The following ARHGEF26 variants were observed in gnomAD, a reference collection of about 807,000 sequenced individuals.
ARHGEF26 encodes the protein Rho guanine nucleotide exchange factor 26, also known as Rho guanine nucleotide exchange factor (GEF) 26.
Under a neutral mutation model 89.4 loss-of-function variants are expected in ARHGEF26, and 59 were observed. The observed-to-expected ratio is 0.66, with a 90% CI of 0.54 to 0.82. The LOEUF (loss-of-function observed/expected upper bound fraction) is 0.82, where lower values mean the gene tolerates loss of function less well. Ranked by LOEUF, ARHGEF26 falls within the 40% of genes least tolerant of loss-of-function variation. The probability of loss-of-function intolerance (pLI) is 0.00; values close to 1 mark genes in which losing one functional copy is unlikely to be tolerated. For missense variants in ARHGEF26, 1,234 were observed against 1,085.6 expected (o/e 1.14, Z -1.92); for synonymous variants, 500 against 428.4 (o/e 1.17, Z -2.06).
intron 11 of ARHGEF26, among the ~76,000 whole-genome samples, chr3:154,238,573 A>G (rs1717262266): frequency 6.6e-6 from 1 of 152,226 alleles, no homozygotes; most frequent in Admixed American, 6.5e-5. Context: ...AATTCCTCCT[A>G]GTGTACTGGA....
In ARHGEF26 at chr3:154,191,171, A is replaced by G. The variant is rs1010981779; in HGVS notation, c.1641-118A>G. The G allele has an allele frequency of 1.9e-5, 21 of 1,081,038 alleles. 2 individuals are homozygous for G. The South Asian group carries it at 3.2e-4, about 16-fold the overall frequency. The allele number at this position is 1,081,038 out of a possible 1,614,324, so 67.0% of individuals were successfully genotyped here. On this transcript the variant is annotated intron_variant, in intron 7 of 14. Transcript: ENST00000465093. ...TTATGTGCTTATGATATTTTCATAC[A>G]GTTTAAAATAGTTGATGCTATATGG...
chr3:154,230,928 G>A (rs1716788577), intron 11 of ARHGEF26, among the ~76,000 whole-genome samples: 1 of 152,044 alleles, frequency 6.6e-6, no homozygotes, highest in Non-Finnish European at 1.5e-5. Flanking sequence ...AAGCTGTGCA[G>A]GCTCCCTTGA....
intron 13 of ARHGEF26, among the ~76,000 whole-genome samples, chr3:154,253,706 C>T (rs761184493): frequency 6.6e-6 from 1 of 152,090 alleles, no homozygotes; most frequent in East Asian, 1.9e-4. Context: ...TAGAAACTGG[C>T]GCAGTGAAGG....
At chr3:154,217,820 A>G (rs1559906718) in intron 9 of ARHGEF26, 49 bp from the exon 10 acceptor site, 3 of 1,395,058 alleles carry the variant, frequency 2.2e-6, no homozygotes, top group South Asian at 1.2e-5. Flanking sequence ...TTTGAAAGTG[A>G]GGTTTCTCTC....
At position 154,206,805 on chromosome 3, in the gene ARHGEF26, G is replaced by A. The variant is rs151021164; in HGVS notation, c.1846-11064G>A. Among the ~76,000 whole-genome samples the A allele has an allele frequency of 1.1e-3, 165 of 152,240 alleles. 1 individual carries two copies. In the East Asian group the frequency reaches 0.031, roughly 29 times the overall value. On this transcript the variant is annotated intron_variant, in intron 9 of 14. Coordinates refer to ENST00000465093, the MANE Select transcript of ARHGEF26 (RefSeq NM_015595.4). Reference sequence around the variant, plus strand: ...ACAAACGAAGAGCATAAATAGCCAAGGCAATTCTAAGCAAAAAGAACAAAG... The same window carrying A: ...ACAAACGAAGAGCATAAATAGCCAAAGCAATTCTAAGCAAAAAGAACAAAG...
intron 4 of ARHGEF26, among the ~76,000 whole-genome samples, chr3:154,144,707 A>G (rs1327937413): frequency 1.3e-5 from 2 of 152,194 alleles, no homozygotes; most frequent in African/African-American, 4.8e-5. Flanking sequence ...GGTCTGCTTT[A>G]TCTGAGTTTT....
chr3:154,184,923 A>G (rs764429607), intron 6 of ARHGEF26, among the ~76,000 whole-genome samples: 6 of 152,122 alleles, frequency 3.9e-5, no homozygotes, highest in Non-Finnish European at 8.8e-5. Context: ...TTCCTCCTGG[A>G]GTGGAGTCTG....
At chr3:154,244,653 A>C (rs1411018678) in intron 12 of ARHGEF26, among the ~76,000 whole-genome samples, 1 of 151,950 alleles carries the variant, frequency 6.6e-6, no homozygotes, top group Non-Finnish European at 1.5e-5. Context: ...AATTATATAT[A>C]ATTATAATAT....
intron 4 of ARHGEF26, among the ~76,000 whole-genome samples, chr3:154,130,195 G>A: frequency 8.2e-6 from 1 of 122,016 alleles, no homozygotes; most frequent in East Asian, 2.5e-4. Flanking sequence ...CGCCCAGGCT[G>A]GAGTTCAGTG....
rs534772436 is a variant in ARHGEF26, at chr3:154,121,399, C to T, written c.-172C>T. On this transcript the variant is annotated 5_prime_UTR_variant, in exon 1 of 15. Coordinates refer to ENST00000465093, the MANE Select transcript of ARHGEF26 (RefSeq NM_015595.4). ...AGTCAGGCGTGGGGGCGGGCCGGCGCCGGCGCCGCGGTCGGCGGCAGCGCT... is the reference window on the plus strand; with the variant it reads ...AGTCAGGCGTGGGGGCGGGCCGGCGTCGGCGCCGCGGTCGGCGGCAGCGCT... 6.6e-6 allele frequency: 1 copy of T among 152,370 alleles called. No individual in the cohort carries two copies. The highest frequency in any genetic ancestry group is 2.1e-4 in the South Asian group (1 of 4,832). The allele number at this position is 152,370 out of a possible 1,614,324, so 9.4% of individuals were successfully genotyped here.
chr3:154,150,137 C>CTTT (rs11415597), intron 5 of ARHGEF26, among the ~76,000 whole-genome samples: 3 of 137,428 alleles, frequency 2.2e-5, no homozygotes, highest in East Asian at 2.1e-4. Context: ...CAAGGATGTC[C>CTTT]TTTTTTTTTT....
chr3:154,201,302 C>G (rs1011709848), intron 9 of ARHGEF26, among the ~76,000 whole-genome samples: 3 of 152,034 alleles, frequency 2.0e-5, no homozygotes, highest in Admixed American at 6.6e-5. Context: ...TGGTTTCCAG[C>G]TTCATCCATG....
intron 4 of ARHGEF26, among the ~76,000 whole-genome samples, chr3:154,143,832 A>G (rs1395197670): frequency 6.6e-6 from 1 of 152,188 alleles, no homozygotes; most frequent in Non-Finnish European, 1.5e-5. Context: ...CTTCTGTGTC[A>G]TTAGCTTTTC....
intron 11 of ARHGEF26, among the ~76,000 whole-genome samples, chr3:154,232,220 G>A (rs1312762844): frequency 2.0e-5 from 3 of 152,186 alleles, no homozygotes; most frequent in Non-Finnish European, 4.4e-5. Context: ...AGCCACAGAA[G>A]TGCTGGGCTG....
At chr3:154,149,166 A>G (rs1559862175) in intron 4 of ARHGEF26, among the ~76,000 whole-genome samples, 1 of 152,184 alleles carries the variant, frequency 6.6e-6, no homozygotes, top group Non-Finnish European at 1.5e-5. Context: ...ATGAGGATTC[A>G]ATGGGAAAAA....
intron 6 of ARHGEF26, among the ~76,000 whole-genome samples, chr3:154,156,949 A>G (rs1202655920): frequency 6.6e-6 from 1 of 152,152 alleles, no homozygotes; most frequent in African/African-American, 2.4e-5. Context: ...CATATTCAAT[A>G]TAGGTTGCGG....
At chr3:154,167,065 G>T (rs962280573) in intron 6 of ARHGEF26, among the ~76,000 whole-genome samples, 2 of 152,040 alleles carry the variant, frequency 1.3e-5, no homozygotes, top group Admixed American at 1.3e-4. Flanking sequence ...CCCCAAATAA[G>T]CCCAAGTTTT....
At chr3:154,237,106 A>G (rs1329637304) in intron 11 of ARHGEF26, among the ~76,000 whole-genome samples, 1 of 152,264 alleles carries the variant, frequency 6.6e-6, no homozygotes, top group Non-Finnish European at 1.5e-5. Context: ...GACTACAGGC[A>G]TAAACTGAGC....
At chr3:154,217,535 C>G (rs1715842438) in intron 9 of ARHGEF26, among the ~76,000 whole-genome samples, 1 of 152,166 alleles carries the variant, frequency 6.6e-6, no homozygotes, top group African/African-American at 2.4e-5. Context: ...AGCTTCAGCA[C>G]TTGTTTACTG....
Sources: gnomAD v4.1 joint callset for allele counts (sites outside exome capture counted in the v4.1 genomes callset) on GRCh38, gnomAD v4.1.1 for gene constraint, MANE v1.5 for transcripts, NCBI Gene and HGNC (gene_info 2026-07-23, HGNC 2026-07-21) for gene names.